The following JPH1 variants were observed in gnomAD, a reference collection of about 807,000 sequenced individuals.
JPH1 encodes the protein junctophilin 1.
JPH1 carries 12 observed loss-of-function variants against 53.6 expected under a neutral mutation model. The observed-to-expected ratio is 0.22, with a 90% confidence interval of 0.14 to 0.36. The LOEUF (loss-of-function observed/expected upper bound fraction) is 0.36. Among genes scored for constraint, JPH1 ranks in the 10% least tolerant of loss-of-function variants. The probability of loss-of-function intolerance (pLI) is 1.00; values close to 1 mark genes in which losing one functional copy is unlikely to be tolerated. For synonymous variants in JPH1, 375 were observed against 363.8 expected, an observed-to-expected ratio of 1.03 and a Z score of -0.35; for missense variants, 808 against 905.5, an observed-to-expected ratio of 0.89 and a Z score of 1.38.
At chr8:74,238,397 C>G (rs1805600146) in intron 4 of JPH1, among the ~76,000 whole-genome samples, 1 of 152,204 alleles carries the variant, frequency 6.6e-6, no homozygotes, top group Admixed American at 6.5e-5. Flanking sequence ...AGGTCTCTTT[C>G]CCTGACTGAG....
Position 74,321,137 on chromosome 8 carries a change from C to T in JPH1, c.151G>A (p.Gly51Ser), listed in dbSNP as rs779969553. The change falls in exon 1 of 6, where the codon GGC (glycine) becomes AGC (serine). Residue 51 changes from glycine to serine, a missense_variant. Coordinates refer to ENST00000342232, the MANE Select transcript of JPH1 (RefSeq NM_020647.4). The surrounding 1 kb of genome is among the most constrained non-coding windows in gnomAD (Gnocchi z 4.3). ...SWSHGFEVVG[G>S]YTWPSGNTYQ... is the part of the protein sequence containing the mutation. ...GTGTTGCCGCTGGGCCAGGTGTAGCCTCCGACCACCTCGAAGCCGTGCGAC... is the reference window on the plus strand; with the variant it reads ...GTGTTGCCGCTGGGCCAGGTGTAGCTTCCGACCACCTCGAAGCCGTGCGAC... 1 of 1,613,518 alleles carries T rather than the reference C, an allele frequency of 6.2e-7. No individual in the cohort carries two copies. Among genetic ancestry groups the T allele is most frequent in the Non-Finnish European group, 8.5e-7 (1 of 1,179,822 alleles).
At chr8:74,304,549 A>T (rs558535089) in intron 2 of JPH1, among the ~76,000 whole-genome samples, 2 of 152,312 alleles carry the variant, frequency 1.3e-5, no homozygotes, top group African/African-American at 4.8e-5. Context: ...TCAACATGTC[A>T]AAACATGTTC....
At chr8:74,291,879 A>C (rs927299600) in intron 2 of JPH1, among the ~76,000 whole-genome samples, 2 of 152,182 alleles carry the variant, frequency 1.3e-5, no homozygotes. Context: ...CTTTGTAGGG[A>C]CATGGATGAA....
At chr8:74,270,135 A>C (rs920956434) in intron 2 of JPH1, among the ~76,000 whole-genome samples, 1 of 152,182 alleles carries the variant, frequency 6.6e-6, no homozygotes, top group Admixed American at 6.5e-5. Flanking sequence ...ATGAAAGAAC[A>C]CAGTTTAGGA....
At chr8:74,313,484 A>G (rs1490676965) in intron 2 of JPH1, among the ~76,000 whole-genome samples, 1 of 151,696 alleles carries the variant, frequency 6.6e-6, no homozygotes, top group Non-Finnish European at 1.5e-5. Flanking sequence ...AATATAATAT[A>G]TATCTAAAAG....
intron 2 of JPH1, among the ~76,000 whole-genome samples, chr8:74,285,356 T>C (rs1807132715): frequency 6.6e-6 from 1 of 152,040 alleles, no homozygotes; most frequent in Non-Finnish European, 1.5e-5. Context: ...TAAAATATTT[T>C]CTAGAAGTCT....
intron 2 of JPH1, among the ~76,000 whole-genome samples, chr8:74,308,553 C>T (rs1374164754): frequency 6.6e-6 from 1 of 152,214 alleles, no homozygotes; most frequent in East Asian, 1.9e-4. Context: ...TTTACTAGAG[C>T]ACTTACTAAT....
rs754939133 is a variant in JPH1, at chr8:74,321,294, G to T, written c.-7C>A. 14 of 1,545,152 alleles carry T rather than the reference G, an allele frequency of 9.1e-6. 2 individuals carry two copies. The highest frequency in any genetic ancestry group is 1.1e-5 in the Non-Finnish European group (13 of 1,146,030). ...CGAACCTTCCGCCCGTCATTCGGGG[G>T]GCAGCCCCGGCGCGCTCCCCGCAGG... On this transcript the variant is annotated 5_prime_UTR_variant, in exon 1 of 6. Transcript: ENST00000342232. This position sits in a 1 kb window ranked among gnomAD's most constrained non-coding sequence, Gnocchi z 4.3.
At chr8:74,285,858 T>C (rs1196830877) in intron 2 of JPH1, among the ~76,000 whole-genome samples, 1 of 152,216 alleles carries the variant, frequency 6.6e-6, no homozygotes, top group Non-Finnish European at 1.5e-5. Context: ...TCTATATATG[T>C]AAATAACAGA....
At chr8:74,302,604 G>A (rs1265128876) in intron 2 of JPH1, among the ~76,000 whole-genome samples, 4 of 152,060 alleles carry the variant, frequency 2.6e-5, no homozygotes, top group African/African-American at 9.7e-5. Flanking sequence ...GGACTGACAG[G>A]GCTTAGGCAA....
chr8:74,311,716 T>C (rs937560360), intron 2 of JPH1, among the ~76,000 whole-genome samples: 1 of 122,688 alleles, frequency 8.2e-6, no homozygotes, highest in Non-Finnish European at 1.6e-5. Flanking sequence ...TTCCCTTTCC[T>C]GTGTCCATGT....
At chr8:74,256,755 A>C (rs2131390669) in intron 3 of JPH1, among the ~76,000 whole-genome samples, 1 of 152,338 alleles carries the variant, frequency 6.6e-6, no homozygotes, top group South Asian at 2.1e-4. Flanking sequence ...AAAAGTCAGG[A>C]AACAACAGAA....
chr8:74,261,742 A>G (rs1219878286), intron 2 of JPH1, among the ~76,000 whole-genome samples: 1 of 152,170 alleles, frequency 6.6e-6, no homozygotes, highest in Non-Finnish European at 1.5e-5. Flanking sequence ...TCTTAGCCAG[A>G]GCCTAATTAT....
Position 74,284,894 on chromosome 8 carries a change from G to A in JPH1, c.1140-25391C>T, listed in dbSNP as rs142959079. On this transcript the variant is annotated intron_variant, in intron 2 of 5. Coordinates refer to ENST00000342232, the MANE Select transcript of JPH1 (RefSeq NM_020647.4). The stretch of plus-strand genomic sequence containing the variant: ...GGCTGGAATGCAGTGGCGCAATCTC[G>A]GCTCACTGCAACCTCTGCCTCACGG... 7.8e-3 allele frequency among the ~76,000 whole-genome samples: 1,163 copies of A among 149,814 alleles called. 9 individuals carry two copies. The highest frequency in any genetic ancestry group is 0.019 in the East Asian group (94 of 5,050).
chr8:74,239,640 G>A (rs2131373068), intron 4 of JPH1, among the ~76,000 whole-genome samples: 1 of 152,232 alleles, frequency 6.6e-6, no homozygotes, highest in East Asian at 1.9e-4. Flanking sequence ...CAGAGATTAA[G>A]GAAATATTAT....
At chr8:74,257,835 C>G (rs1305781503) in intron 3 of JPH1, among the ~76,000 whole-genome samples, 3 of 152,020 alleles carry the variant, frequency 2.0e-5, no homozygotes, top group Non-Finnish European at 4.4e-5. Context: ...TGGACTTGAA[C>G]TCTTAGAGAA....
chr8:74,307,617 T>C (rs1323185689), intron 2 of JPH1, among the ~76,000 whole-genome samples: 10 of 152,368 alleles, frequency 6.6e-5, no homozygotes, highest in Admixed American at 1.3e-4. Context: ...AATCTATTCA[T>C]TAAAATGACT....
At chr8:74,300,367 A>G (rs940284955) in intron 2 of JPH1, among the ~76,000 whole-genome samples, 3 of 152,126 alleles carry the variant, frequency 2.0e-5, no homozygotes, top group Non-Finnish European at 4.4e-5. Flanking sequence ...TCCCATGTAC[A>G]TGCATTTTCT....
chr8:74,272,981 A>G (rs1472134787), intron 2 of JPH1, among the ~76,000 whole-genome samples: 1 of 152,234 alleles, frequency 6.6e-6, no homozygotes, highest in Non-Finnish European at 1.5e-5. Flanking sequence ...GGGTGCTGGC[A>G]TAATTCCAGA....
Sources: gnomAD v4.1 joint callset for allele counts (sites outside exome capture counted in the v4.1 genomes callset) on GRCh38, gnomAD v4.1.1 for gene constraint, Gnocchi (gnomAD v3.1) non-coding constraint, MANE v1.5 for transcripts, NCBI Gene and HGNC (gene_info 2026-07-23, HGNC 2026-07-21) for gene names.